The following PDS5A variants were observed in gnomAD, a reference collection of about 807,000 sequenced individuals.
PDS5A encodes PDS5 cohesin associated factor A, also known as sister chromatid cohesion protein PDS5 homolog A.
PDS5A carries 42 observed loss-of-function variants against 167.1 expected under a neutral mutation model. That is an observed-to-expected ratio of 0.25 (90% confidence interval 0.20 to 0.33). The LOEUF is 0.33. Among genes scored for constraint, PDS5A ranks in the 10% least tolerant of loss-of-function variants. PDS5A has a pLI of 1.00. For missense variants in PDS5A, 1,033 were observed against 1,605.9 expected (o/e 0.64, Z 6.10); for synonymous variants, 553 against 554.6 (o/e 1.00, Z 0.04).
chr4:39,896,024 C>T (rs1291032054), intron 16 of PDS5A, among the ~76,000 whole-genome samples: 25 of 133,284 alleles, frequency 1.9e-4, no homozygotes, highest in Admixed American at 8.0e-4. Flanking sequence ...ACACCTGGCC[C>T]GGTTTTTTTT....
At chr4:39,933,842 G>A (rs973035268) in intron 2 of PDS5A, among the ~76,000 whole-genome samples, 1 of 152,180 alleles carries the variant, frequency 6.6e-6, no homozygotes, top group Admixed American at 6.5e-5. Flanking sequence ...CCCTTGCAAT[G>A]GAGTTGAAGT....
chr4:39,931,734 G>C (rs1189808069), intron 2 of PDS5A, among the ~76,000 whole-genome samples: 3 of 152,086 alleles, frequency 2.0e-5, no homozygotes, highest in Non-Finnish European at 4.4e-5. Context: ...CGTTACTCAG[G>C]ACAGCCCCGT....
intron 14 of PDS5A, 90 bp from the exon 15 acceptor site, chr4:39,898,915 T>C (rs1204264212): frequency 1.3e-6 from 1 of 792,422 alleles, no homozygotes; most frequent in African/African-American, 1.7e-5. Context: ...CTGTACATTT[T>C]TCATGACGTT....
intron 2 of PDS5A, among the ~76,000 whole-genome samples, chr4:39,930,246 A>AAAAAAAAAAAAAAAATTTTT: frequency 9.7e-5 from 9 of 93,166 alleles, no homozygotes; most frequent in South Asian, 8.7e-4. Context: ...AAAAAAAAAA[A>AAAAAAAAAAAAAAAATTTTT]GTTTTTTTGT....
chr4:39,923,082 A>T (rs1439277097), intron 5 of PDS5A, among the ~76,000 whole-genome samples: 7 of 152,134 alleles, frequency 4.6e-5, no homozygotes, highest in Non-Finnish European at 7.4e-5. Context: ...TAATCCCAGC[A>T]CTTTGGGAGG....
intron 2 of PDS5A, among the ~76,000 whole-genome samples, chr4:39,947,448 A>AGG (rs57613486): frequency 1.3e-5 from 2 of 152,018 alleles, no homozygotes; most frequent in Admixed American, 1.3e-4. Context: ...ACTGTCTGAA[A>AGG]GGGGGGAAAA....
intron 32 of PDS5A, among the ~76,000 whole-genome samples, chr4:39,836,615 ATT>A (rs71645192): frequency 0.12 from 12,270 of 106,308 alleles, 418 homozygotes; most frequent in Middle Eastern, 0.18. Flanking sequence ...ATTTTTTTCT[ATT>A]TTTTTTTTTT....
chr4:39,906,917 T>TAAAATAAAAAAAAAA (rs1320189136), intron 11 of PDS5A, among the ~76,000 whole-genome samples: 1 of 54,034 alleles, frequency 1.9e-5, no homozygotes, highest in Admixed American at 2.0e-4. Flanking sequence ...ATTTCTTACA[T>TAAAATAAAAAAAAAA]AAAAAAAAAA....
chr4:39,964,120 A>G (rs977856567), intron 2 of PDS5A, among the ~76,000 whole-genome samples: 2 of 152,240 alleles, frequency 1.3e-5, no homozygotes, highest in African/African-American at 4.8e-5. Flanking sequence ...TCATGGGACA[A>G]AAAGAACCAC....
Position 39,938,967 on chromosome 4 carries a change from T to TA in PDS5A, c.139-10804dup, listed in dbSNP as rs757521629. Among the ~76,000 whole-genome samples the TA allele has an allele frequency of 1.3e-3, 180 of 141,602 alleles. No individual in the cohort carries two copies. The East Asian group carries it at 0.02, about 16-fold the overall frequency. 92.9% of individuals were successfully genotyped at this position (141,602 alleles called of 152,430 possible). On this transcript the variant is annotated intron_variant, in intron 2 of 32. Transcript: ENST00000303538. The stretch of plus-strand genomic sequence containing the variant: ...CCTGGCAACACAGCGAGACTCCATC[T>TA]AAAAAAAAAAAGCAATAATACAAAA...
chr4:39,877,402 C>T (rs944729409), intron 18 of PDS5A, among the ~76,000 whole-genome samples: 3 of 152,140 alleles, frequency 2.0e-5, no homozygotes, highest in Admixed American at 6.6e-5. Context: ...TCTTCTTCAC[C>T]TCTTAGTCTA....
chr4:39,931,857 T>C (rs1030999607), intron 2 of PDS5A, among the ~76,000 whole-genome samples: 1 of 151,962 alleles, frequency 6.6e-6, no homozygotes, highest in African/African-American at 2.4e-5. Flanking sequence ...TTATATAGTC[T>C]TCTTCCACAA....
At position 39,824,538 on chromosome 4, in the gene PDS5A, C is replaced by T. The variant is rs1219928027; in HGVS notation, c.*947G>A. 1 of 152,520 alleles carries T rather than the reference C, an allele frequency of 6.6e-6. No individual in the cohort carries two copies. Among genetic ancestry groups the T allele is most frequent in the Non-Finnish European group, 1.5e-5 (1 of 68,028 alleles). The allele number at this position is 152,520 out of a possible 1,614,324, so 9.4% of individuals were successfully genotyped here. On this transcript the variant is annotated 3_prime_UTR_variant, in exon 33 of 33. Coordinates refer to ENST00000303538, the MANE Select transcript of PDS5A (RefSeq NM_001100399.2). ...AAAATTGATAGCAATCCTAAAACACCTCCAACTTTCCTTAAAAGCTGCCAA... is the reference window on the plus strand; with the variant it reads ...AAAATTGATAGCAATCCTAAAACACTTCCAACTTTCCTTAAAAGCTGCCAA...
intron 14 of PDS5A, among the ~76,000 whole-genome samples, chr4:39,899,984 GT>G (rs377600516): frequency 2.7e-5 from 4 of 150,222 alleles, no homozygotes; most frequent in Admixed American, 1.3e-4. Flanking sequence ...AAAATGTAAA[GT>G]TTTTTTCCCC....
intron 18 of PDS5A, among the ~76,000 whole-genome samples, chr4:39,878,323 C>T (rs530984313): frequency 1.2e-4 from 18 of 152,156 alleles, no homozygotes; most frequent in African/African-American, 4.3e-4. Flanking sequence ...TGGCCGGGCG[C>T]GGTGGCTCAC....
intron 11 of PDS5A, among the ~76,000 whole-genome samples, chr4:39,907,544 T>C (rs897397442): frequency 2.6e-5 from 4 of 152,104 alleles, no homozygotes; most frequent in African/African-American, 9.7e-5. Flanking sequence ...ATTAGTTGTA[T>C]TCTTAACACT....
At chr4:39,972,770 TAAAAC>T (rs1490382709) in intron 2 of PDS5A, among the ~76,000 whole-genome samples, 1 of 149,392 alleles carries the variant, frequency 6.7e-6, no homozygotes, top group African/African-American at 2.5e-5. Flanking sequence ...TTCTGTTACT[TAAAAC>T]AGAACTGATA....
chr4:39,924,559 A>C (rs928811531), intron 5 of PDS5A, among the ~76,000 whole-genome samples: 1 of 152,228 alleles, frequency 6.6e-6, no homozygotes, highest in African/African-American at 2.4e-5. Context: ...GCATTCATTA[A>C]AACTCTGGAA....
intron 32 of PDS5A, among the ~76,000 whole-genome samples, chr4:39,826,488 T>TATTTATTTATTTA (rs1207762418): frequency 4.0e-5 from 6 of 151,058 alleles, no homozygotes; most frequent in African/African-American, 1.5e-4. Context: ...TTTATTTATT[T>TATTTATTTATTTA]ATTTATTTAT....
Sources: gnomAD v4.1 joint callset for allele counts (sites outside exome capture counted in the v4.1 genomes callset) on GRCh38, gnomAD v4.1.1 for gene constraint, MANE v1.5 for transcripts, NCBI Gene and HGNC (gene_info 2026-07-23, HGNC 2026-07-21) for gene names.